The following KERA variants were observed in gnomAD, a reference collection of about 807,000 sequenced individuals.
KERA encodes the protein keratan sulfate proteoglycan keratocan.
Under a neutral mutation model 26.4 loss-of-function variants are expected in KERA, and 25 were observed. The ratio of observed to expected loss-of-function variants is 0.95; its 90% confidence interval spans 0.69 to 1.32. The LOEUF (loss-of-function observed/expected upper bound fraction) is 1.32. KERA is among the 40% of genes most tolerant of loss of function. KERA has a pLI of 0.00. For synonymous variants in KERA, 167 were observed against 146.1 expected, an observed-to-expected ratio of 1.14 and a Z score of -1.03; for missense variants, 434 against 408.9, an observed-to-expected ratio of 1.06 and a Z score of -0.53.
intron 2 of KERA, among the ~76,000 whole-genome samples, chr12:91,054,585 T>C (rs1469630276): frequency 6.7e-6 from 1 of 149,014 alleles, no homozygotes. Flanking sequence ...CTTTCTATAA[T>C]CACTTCTTCT....
intron 2 of KERA, among the ~76,000 whole-genome samples, chr12:91,054,224 C>T (rs146682509): frequency 6.6e-6 from 1 of 151,426 alleles, no homozygotes; most frequent in African/African-American, 2.4e-5. Context: ...GAGCAGTTCC[C>T]AGTGGAAAAA....
In KERA at chr12:91,050,919, T is replaced by C. The variant is rs1878848905; in HGVS notation, c.*427A>G. On this transcript the variant is annotated 3_prime_UTR_variant, in exon 3 of 3. Transcript: ENST00000266719. The stretch of plus-strand genomic sequence containing the variant: ...TTATTATGATTACAATTAAGAAATA[T>C]TTTATTTTCTCATTTTCTTCAGGTC... The C allele has an allele frequency of 6.0e-6, 1 of 168,032 alleles. No homozygotes were observed. Among genetic ancestry groups the C allele is most frequent in the Non-Finnish European group, 1.3e-5 (1 of 76,190 alleles). 10.4% of individuals were successfully genotyped at this position (168,032 alleles called of 1,614,324 possible).
At chr12:91,052,618 A>G (rs1878895175) in intron 2 of KERA, among the ~76,000 whole-genome samples, 1 of 151,566 alleles carries the variant, frequency 6.6e-6, no homozygotes, top group Non-Finnish European at 1.5e-5. Context: ...CATACATCCA[A>G]GTATCACCTG....
intron 2 of KERA, among the ~76,000 whole-genome samples, chr12:91,052,321 C>G (rs956587535): frequency 3.3e-5 from 5 of 151,476 alleles, no homozygotes; most frequent in African/African-American, 4.8e-5. Context: ...ATTCAGGGTA[C>G]TCTGTAACAG....
At position 91,055,833 on chromosome 12, in the gene KERA, G is replaced by A. The variant is rs765736756; in HGVS notation, c.449C>T (p.Ala150Val). The change falls in exon 2 of 3, where the codon GCT becomes GTT. Residue 150 changes from alanine (A) to valine (V), a missense_variant. Transcript: ENST00000266719. ...AGGAATTCTGGACACCTTATTTCTA[G>A]CTAATTGTAATTGTTCTAAACTTCT... ...LPRSLEQLQL[A>V]RNKVSRIPQG... 3.1e-6 allele frequency: 5 copies of A among 1,611,254 alleles called. No homozygotes were observed. In the East Asian group the frequency reaches 8.9e-5, roughly 29 times the overall value.
In KERA at chr12:91,055,867, G is replaced by C. The variant is rs749456111; in HGVS notation, c.415C>G (p.Pro139Ala). Reference sequence around the variant, plus strand: ...AATTGTTCTAAACTTCTTGGCAATGGAGAAGGTACCTCCTCTAGCTCATTA... The same window carrying C: ...AATTGTTCTAAACTTCTTGGCAATGCAGAAGGTACCTCCTCTAGCTCATTA... ...EDNELEEVPS[P>A]LPRSLEQLQL... The change falls in exon 2 of 3, where the codon CCA (proline) becomes GCA (alanine). Residue 139 changes from proline to alanine, a missense_variant. By Grantham distance (27) the Pro-to-Ala change is conservative. Transcript: ENST00000266719. The C allele has an allele frequency of 6.2e-7, 1 of 1,611,274 alleles. No homozygotes were observed. The highest frequency in any genetic ancestry group is 1.7e-5 in the Admixed American group (1 of 59,732).
chr12:91,051,081 G>A lies in KERA; in HGVS notation c.*265C>T. On this transcript the variant is annotated 3_prime_UTR_variant, in exon 3 of 3. Transcript: ENST00000266719. ...TCTTTAGTGTTAATAAGCTATGGAA[G>A]AGACCAAAATAAAACTATCTTTGAG... 2.4e-6 allele frequency: 1 copy of A among 415,952 alleles called. No homozygotes were observed. The highest frequency in any genetic ancestry group is 4.5e-6 in the Non-Finnish European group (1 of 221,376). 25.8% of individuals were successfully genotyped at this position (415,952 alleles called of 1,614,324 possible).
chr12:91,056,566 A>C (rs1404952737), intron 1 of KERA, among the ~76,000 whole-genome samples: 1 of 151,270 alleles, frequency 6.6e-6, no homozygotes, highest in East Asian at 1.9e-4. Context: ...AGCAGCTCTA[A>C]GTGTTTTTCC....
rs139733453 is a variant in KERA at position 91,053,994 on chromosome 12, ATTG to A, written c.886+1399_886+1401del. Among the ~76,000 whole-genome samples the A allele has an allele frequency of 3.5e-3, 536 of 151,378 alleles. 3 individuals carry two copies. The highest frequency in any genetic ancestry group is 4.1e-3 in the Non-Finnish European group (277 of 67,518). ...GGAAAAATTATGTATTTAGGTCAAT[ATTG>A]TTGTTGTTCTATTTGATTCAGCTAA... On this transcript the variant is annotated intron_variant, in intron 2 of 2. Coordinates refer to ENST00000266719, the MANE Select transcript of KERA (RefSeq NM_007035.4).
rs777653993 is a variant in KERA, at chr12:91,056,083, G to A, written c.199C>T (p.Pro67Ser). 6.2e-7 allele frequency: 1 copy of A among 1,608,640 alleles called. No homozygotes were observed. Among genetic ancestry groups the A allele is most frequent in the South Asian group, 1.1e-5 (1 of 90,498 alleles). The change falls in exon 2 of 3, where the codon CCT (proline) becomes TCT (serine). Residue 67 changes from proline to serine, a missense_variant. Coordinates refer to ENST00000266719, the MANE Select transcript of KERA (RefSeq NM_007035.4). The stretch of plus-strand genomic sequence containing the variant: ...TACCAAATTCTTGAAGGAATAGCAG[G>A]AATTTCTTTGAGACCTCTATTTTCA... ...YCENRGLKEI[P>S]AIPSRIWYLY... is the part of the protein sequence containing the mutation.
At position 91,051,232 on chromosome 12, in the gene KERA, A is replaced by G. The variant is rs1056525010; in HGVS notation, c.*114T>C. 4 of 854,448 alleles carry G rather than the reference A, an allele frequency of 4.7e-6. No individual in the cohort carries two copies. The highest frequency in any genetic ancestry group is 1.7e-5 in the African/African-American group (1 of 59,766). 52.9% of individuals were successfully genotyped at this position (854,448 alleles called of 1,614,324 possible). A position where few individuals can be genotyped will look rare whatever the true frequency, so the allele number is the denominator to read the frequency against. On this transcript the variant is annotated 3_prime_UTR_variant, in exon 3 of 3. Coordinates refer to ENST00000266719, the MANE Select transcript of KERA (RefSeq NM_007035.4). ...GAAAAAATACACTGCACAAATGAAA[A>G]TGGTGGCCGAGAGCAATGGGGAATA... is the stretch of plus-strand genomic sequence containing the variant.
rs754954834 is a variant in KERA at position 91,055,437 on chromosome 12, G to GCACTGATT, written c.837_844dup (p.Ala282GlufsTer19). The stretch of plus-strand genomic sequence containing the variant: ...ATCAAGGTGAAGGTGCTGCAGATGA[G>GCACTGATT]CACTGATTCGGGGAACCTTTGTGAG... On this transcript the variant is annotated frameshift_variant, in exon 2 of 3. Transcript: ENST00000266719. LOFTEE classifies it high-confidence loss of function. 6.2e-7 allele frequency: 1 copy of GCACTGATT among 1,610,392 alleles called. No individual in the cohort carries two copies. The highest frequency in any genetic ancestry group is 1.3e-5 in the African/African-American group (1 of 74,694).
intron 2 of KERA, 100 bp from the exon 3 acceptor site, chr12:91,051,618 T>A: frequency 2.5e-6 from 2 of 815,680 alleles, no homozygotes; most frequent in South Asian, 2.8e-5. Context: ...GAGGGCTTAG[T>A]GGCCTAATAT....
rs755988989 is a variant in KERA, at chr12:91,055,515, G to C, written c.767C>G (p.Ser256Ter). 6 of 1,609,910 alleles carry C rather than the reference G, an allele frequency of 3.7e-6. No homozygotes were observed. Among genetic ancestry groups the C allele is most frequent in the South Asian group, 2.2e-5 (2 of 90,912 alleles). ...HNKLSDEGLP[S>*]RGFDVSSILD... is the part of the protein sequence containing the mutation. ...AATTGATGATACATCAAATCCTCTT[G>C]ATGGGAGACCCTCATCTGACAGTTT... is the stretch of plus-strand genomic sequence containing the variant. The change falls in exon 2 of 3, where the codon TCA becomes TGA. Residue 256 changes from serine (S) to a stop codon, truncating the protein, a stop_gained. Coordinates refer to ENST00000266719, the MANE Select transcript of KERA (RefSeq NM_007035.4). LOFTEE classifies it high-confidence loss of function.
rs1167410829 is a variant in KERA at position 91,055,466 on chromosome 12, A to T, written c.816T>A (p.Asn272Lys). ...TGATTCGGGGAACCTTTGTGAGTTG[A>T]TTGTGCGACAGTTGAAGATCTAGAA... ...SSILDLQLSHNQLTKVPRISA... is the reference protein window; with the variant it reads ...SSILDLQLSHKQLTKVPRISA... Residue 272 changes from asparagine (N) to lysine (K), a missense_variant, in exon 2 of 3, where the codon AAT becomes AAA. Coordinates refer to ENST00000266719, the MANE Select transcript of KERA (RefSeq NM_007035.4). 1 of 1,610,288 alleles carries T rather than the reference A, an allele frequency of 6.2e-7. No individual in the cohort carries two copies. The highest frequency in any genetic ancestry group is 8.5e-7 in the Non-Finnish European group (1 of 1,177,660).
At chr12:91,052,261 A>T (rs1274584213) in intron 2 of KERA, among the ~76,000 whole-genome samples, 7 of 151,494 alleles carry the variant, frequency 4.6e-5, no homozygotes, top group Non-Finnish European at 8.9e-5. Flanking sequence ...ACCAATGACT[A>T]TGCTGAGATT....
At position 91,051,523 on chromosome 12, in the gene KERA, A is replaced by G. The variant is rs1242800121; in HGVS notation, c.887-5T>C. 6.3e-7 allele frequency: 1 copy of G among 1,599,356 alleles called. No individual in the cohort carries two copies. The highest frequency in any genetic ancestry group is 1.7e-5 in the Admixed American group (1 of 59,706). Reference sequence around the variant, plus strand: ...ATATTACAGAGACATTCACACCTACAGTGACAAAGAGAATAGATGAATGAA... The same window carrying G: ...ATATTACAGAGACATTCACACCTACGGTGACAAAGAGAATAGATGAATGAA... On this transcript the variant is annotated splice_region_variant and splice_polypyrimidine_tract_variant and intron_variant, in intron 2 of 2. Transcript: ENST00000266719.
Position 91,055,379 on chromosome 12 carries a change from C to T in KERA, c.886+17G>A, listed in dbSNP as rs1878967835. 3 of 1,605,520 alleles carry T rather than the reference C, an allele frequency of 1.9e-6. No individual in the cohort carries two copies. Among genetic ancestry groups the T allele is most frequent in the African/African-American group, 1.3e-5 (1 of 74,596 alleles). The stretch of plus-strand genomic sequence containing the variant: ...CATGAGCCCTTTAGTCAAAGACATA[C>T]TCTGCAGGTTACTTACTTTTAATTT... On this transcript the variant is annotated intron_variant, in intron 2 of 2. Coordinates refer to ENST00000266719, the MANE Select transcript of KERA (RefSeq NM_007035.4).
At chr12:91,055,165 A>G (rs1317549089) in intron 2 of KERA, among the ~76,000 whole-genome samples, 1 of 151,206 alleles carries the variant, frequency 6.6e-6, no homozygotes, top group Non-Finnish European at 1.5e-5. Context: ...AGTCCTCTGT[A>G]GATGACTCAA....
Sources: allele counts gnomAD v4.1 joint callset (sites outside exome capture counted in the v4.1 genomes callset), GRCh38; gene constraint gnomAD v4.1.1; transcripts MANE v1.5; gene names NCBI Gene and HGNC (gene_info 2026-07-23, HGNC 2026-07-21).